The following DOK4 variants were observed in gnomAD, a reference collection of about 807,000 sequenced individuals.
DOK4 encodes docking protein 4.
DOK4 carries 26 observed loss-of-function variants against 40.1 expected under a neutral mutation model. The observed-to-expected ratio is 0.65, with a 90% CI of 0.48 to 0.90. The LOEUF (loss-of-function observed/expected upper bound fraction) is 0.90, where lower values mean the gene tolerates loss of function less well. Among genes scored for constraint, DOK4 ranks in the 40% least tolerant of loss-of-function variants. The probability of loss-of-function intolerance (pLI) is 0.00; values close to 1 mark genes in which losing one functional copy is unlikely to be tolerated. For synonymous variants in DOK4, 179 were observed against 177.0 expected, an observed-to-expected ratio of 1.01 and a Z score of -0.09; for missense variants, 392 against 437.2, an observed-to-expected ratio of 0.90 and a Z score of 0.92.
intron 1 of DOK4, among the ~76,000 whole-genome samples, chr16:57,484,650 C>T (rs1704608022): frequency 6.6e-6 from 1 of 152,212 alleles, no homozygotes; most frequent in South Asian, 2.1e-4. Context: ...GCCAAAACCC[C>T]TCCCTCGAGG....
chr16:57,473,867 C>A, intron 7 of DOK4, 34 bp downstream of exon 7: 1 of 1,610,764 alleles, frequency 6.2e-7, no homozygotes, highest in South Asian at 1.1e-5. Flanking sequence ...TTCCCCCCTC[C>A]CCCCGTACCC....
At chr16:57,475,581 G>A in exon 4 of DOK4, 1 of 1,609,268 alleles carries the variant, frequency 6.2e-7, no homozygotes, top group Non-Finnish European at 8.5e-7. Context: ...GTCTCCTTGG[G>A]GAGCCGCGTA....
chr16:57,483,300 C>A (rs2031465740), intron 1 of DOK4, among the ~76,000 whole-genome samples: 1 of 152,162 alleles, frequency 6.6e-6, no homozygotes, highest in Non-Finnish European at 1.5e-5. Flanking sequence ...GAGGCGGCCC[C>A]CAAGCTGAGC....
chr16:57,473,228 C>T, exon 9 of DOK4: 3 of 1,273,784 alleles, frequency 2.4e-6, no homozygotes, highest in African/African-American at 1.5e-5. Flanking sequence ...TGCCTCAGTC[C>T]AGCCTCATCC....
intron 6 of DOK4, among the ~76,000 whole-genome samples, chr16:57,474,278 G>T (rs79679786): frequency 0.016 from 2,453 of 152,184 alleles, 80 homozygotes; most frequent in African/African-American, 0.057. Context: ...CCTCCCTCTG[G>T]TCTCTGTACC....
At chr16:57,476,854 A>C (rs550491564) in intron 2 of DOK4, among the ~76,000 whole-genome samples, 1 of 152,238 alleles carries the variant, frequency 6.6e-6, no homozygotes, top group African/African-American at 2.4e-5. Flanking sequence ...GGGAGTGACC[A>C]CTCTAGGATT....
Position 57,475,843 on chromosome 16 carries a change from T to G in DOK4, c.174+7A>C. On this transcript the variant is annotated splice_region_variant and intron_variant, in intron 3 of 8. Transcript: ENST00000340099. ...ACTTGGGGGAGCTAGGGCCCAGGCC[T>G]CCTAACCTTGGGGCAGCCCCGGAGG... 6.2e-7 allele frequency: 1 copy of G among 1,603,310 alleles called. No homozygotes were observed.
At chr16:57,482,389 C>T (rs528240059) in intron 1 of DOK4, among the ~76,000 whole-genome samples, 15 of 97,448 alleles carry the variant, frequency 1.5e-4, no homozygotes, top group Middle Eastern at 0.012. Context: ...TTTTTTGAGA[C>T]GGAGTCTCAC....
At chr16:57,477,303 C>T (rs1186431232) in intron 2 of DOK4, among the ~76,000 whole-genome samples, 2 of 152,228 alleles carry the variant, frequency 1.3e-5, no homozygotes, top group African/African-American at 4.8e-5. Context: ...CTCCTGCACC[C>T]CTGACCCTGG....
chr16:57,473,864 C>T (rs572121366), intron 7 of DOK4, 37 bp downstream of exon 7: 29 of 1,541,578 alleles, frequency 1.9e-5, no homozygotes, highest in Non-Finnish European at 2.5e-5. Flanking sequence ...CCGTTCCCCC[C>T]TCCCCCCGTA....
chr16:57,477,218 C>T (rs1267652838), intron 2 of DOK4, among the ~76,000 whole-genome samples: 1 of 152,134 alleles, frequency 6.6e-6, no homozygotes, highest in African/African-American at 2.4e-5. Flanking sequence ...TGGCCCTAGG[C>T]AGCCCCCATT....
chr16:57,486,691 A>C (rs1199394444), upstream of DOK4, among the ~76,000 whole-genome samples: 1 of 129,568 alleles, frequency 7.7e-6, no homozygotes, highest in Non-Finnish European at 1.6e-5. Context: ...CCCAAAGCCC[A>C]CATGGCCTCT....
At chr16:57,475,161 G>A in exon 5 of DOK4, 1 of 1,613,906 alleles carries the variant, frequency 6.2e-7, no homozygotes, top group Non-Finnish European at 8.5e-7. Flanking sequence ...TGATGTCGTT[G>A]AGGCGGGACC....
chr16:57,482,258 C>G (rs865914846), intron 1 of DOK4, among the ~76,000 whole-genome samples: 15 of 152,062 alleles, frequency 9.9e-5, no homozygotes, highest in African/African-American at 2.9e-4. Flanking sequence ...ACCACCCAGG[C>G]TCAAGTGATC....
chr16:57,480,377 C>G (rs997120066), intron 1 of DOK4: 5 of 152,308 alleles, frequency 3.3e-5, no homozygotes, highest in South Asian at 4.1e-4. Flanking sequence ...CTCTTCCGCA[C>G]GCAGCTCTGG....
chr16:57,479,415 G>A lies in DOK4; in HGVS notation c.66+27C>T. ...CCTCGGGCCCCCATCCCTTGGCAGG[G>A]CCCCTCCGCAGCTCAGGGTCACTCA... On this transcript the variant is annotated intron_variant, in intron 2 of 8. Coordinates refer to ENST00000340099, the Ensembl canonical transcript of DOK4. The surrounding 1 kb of genome is among the most constrained non-coding windows in gnomAD (Gnocchi z 5.8). The A allele has an allele frequency of 1.2e-6, 2 of 1,611,384 alleles. No individual in the cohort carries two copies. Among genetic ancestry groups the A allele is most frequent in the Non-Finnish European group, 1.7e-6 (2 of 1,179,016 alleles).
chr16:57,475,693 T>TCTCCCTCTCTCTCTCC (rs2031135835), intron 3 of DOK4, 73 bp from the exon 4 acceptor site: 1 of 377,598 alleles, frequency 2.6e-6, no homozygotes, highest in Non-Finnish European at 4.4e-6. Context: ...TCTCTCTCTC[T>TCTCCCTCTCTCTCTCC]CTCCCTCCCT....
At chr16:57,473,552 A>G (rs780825337) in intron 8 of DOK4, 57 bp from the exon 9 acceptor site, 5 of 1,614,102 alleles carry the variant, frequency 3.1e-6, no homozygotes, top group South Asian at 1.1e-5. Flanking sequence ...CCCCTGCCCA[A>G]TAGGCCTCAT....
intron 1 of DOK4, among the ~76,000 whole-genome samples, chr16:57,481,203 G>A (rs2031397904): frequency 6.6e-6 from 1 of 152,100 alleles, no homozygotes; most frequent in South Asian, 2.1e-4. Flanking sequence ...GGAACAGATG[G>A]GACTACCCCA....
Sources: allele counts gnomAD v4.1 joint callset (sites outside exome capture counted in the v4.1 genomes callset), GRCh38; gene constraint gnomAD v4.1.1; non-coding constraint Gnocchi (gnomAD v3.1); transcripts MANE v1.5; gene names NCBI Gene and HGNC (gene_info 2026-07-23, HGNC 2026-07-21).